Variants in GAS7 observed in about 807,000 individuals in gnomAD.
GAS7 encodes the protein growth arrest specific 7, also known as growth arrest-specific protein 7.
In GAS7, 28 loss-of-function variants were observed where a neutral mutation model predicts 71.1. That is an observed-to-expected ratio of 0.39 (90% CI 0.29 to 0.54). GAS7 has a LOEUF of 0.54. GAS7 is among the 20% of genes least tolerant of loss of function. The pLI, the probability that GAS7 is intolerant of heterozygous loss-of-function variation, is 0.62. For synonymous variants in GAS7, 258 were observed against 245.8 expected, an observed-to-expected ratio of 1.05 and a Z score of -0.46; for missense variants, 436 against 627.8, an observed-to-expected ratio of 0.69 and a Z score of 3.27.
intron 1 of GAS7, among the ~76,000 whole-genome samples, chr17:10,118,420 G>A (rs2073878965): frequency 6.6e-6 from 1 of 152,102 alleles, no homozygotes; most frequent in Non-Finnish European, 1.5e-5. Flanking sequence ...ATTCCAAAAA[G>A]CCCTCGTGGG....
intron 1 of GAS7, among the ~76,000 whole-genome samples, chr17:10,047,287 T>C (rs769828401): frequency 6.6e-6 from 1 of 152,156 alleles, no homozygotes; most frequent in Non-Finnish European, 1.5e-5. Context: ...TCTCCATCAA[T>C]TCGGAGTATC....
chr17:10,144,681 C>A (rs1262562523), intron 1 of GAS7, among the ~76,000 whole-genome samples: 1 of 151,916 alleles, frequency 6.6e-6, no homozygotes, highest in Non-Finnish European at 1.5e-5. Context: ...GTAGTTGGGA[C>A]CACAGGCATG....
chr17:10,020,023 A>C, intron 1 of GAS7, 126 bp from the exon 2 acceptor site: 1 of 886,252 alleles, frequency 1.1e-6, no homozygotes, highest in Non-Finnish European at 1.8e-6. Flanking sequence ...CGGCCCATAA[A>C]CCCCTGAGGT....
intron 1 of GAS7, among the ~76,000 whole-genome samples, chr17:10,132,468 T>C (rs1170354292): frequency 6.6e-6 from 1 of 152,138 alleles, no homozygotes; most frequent in Admixed American, 6.6e-5. Context: ...TCAAGCATCA[T>C]TCAAAAATTA....
At chr17:10,197,735 C>T (rs993894354) in intron 1 of GAS7, among the ~76,000 whole-genome samples, 3 of 152,194 alleles carry the variant, frequency 2.0e-5, no homozygotes, top group African/African-American at 7.2e-5. Flanking sequence ...GCCAGGCAGC[C>T]TGACCCAAGG....
rs1364090142 is a variant in GAS7, at chr17:10,085,409, C to T, written c.184-65512G>A. On this transcript the variant is annotated intron_variant, in intron 1 of 13. Transcript: ENST00000432992. ...TGAAAGAGGAACCATACCAGCCGGG[C>T]GCAGTGGCTCACGCCTGTAATCCCA... 2.6e-5 allele frequency among the ~76,000 whole-genome samples: 4 copies of T among 152,226 alleles called. No individual in the cohort carries two copies. The East Asian group carries it at 7.7e-4, about 29-fold the overall frequency.
At chr17:9,935,891 G>A (rs2068382963) in intron 8 of GAS7, among the ~76,000 whole-genome samples, 1 of 152,210 alleles carries the variant, frequency 6.6e-6, no homozygotes, top group South Asian at 2.1e-4. Context: ...CCTCTGGGTG[G>A]CTTGGGTGCC....
At position 9,940,120 on chromosome 17, in the gene GAS7, A is replaced by G. The variant is rs770404366; in HGVS notation, c.806+6T>C. On this transcript the variant is annotated splice_donor_region_variant and intron_variant, in intron 8 of 13. Transcript: ENST00000432992. ...CCCCACTCCCACCTCTCTCCTACCC[A>G]CTCACCCTTCCTCCTGTGAAGCCAA... The G allele has an allele frequency of 2.0e-5, 31 of 1,534,370 alleles. No homozygotes were observed. Among genetic ancestry groups the G allele is most frequent in the Non-Finnish European group, 2.7e-5 (30 of 1,107,906 alleles).
At chr17:10,067,713 T>C (rs1326203543) in intron 1 of GAS7, among the ~76,000 whole-genome samples, 1 of 152,194 alleles carries the variant, frequency 6.6e-6, no homozygotes, top group Non-Finnish European at 1.5e-5. Context: ...CTAGTCCCCC[T>C]ACACCATGAC....
chr17:9,945,062 C>T (rs977342849), intron 6 of GAS7, among the ~76,000 whole-genome samples: 1 of 152,064 alleles, frequency 6.6e-6, no homozygotes, highest in Non-Finnish European at 1.5e-5. Flanking sequence ...TGGATGCAGG[C>T]GGCATCAGAC....
In GAS7 at chr17:9,914,144, T is replaced by C. The variant is rs2067517020; in HGVS notation, c.*3084A>G. 4.4e-6 allele frequency: 1 copy of C among 225,804 alleles called. No individual in the cohort carries two copies. Among genetic ancestry groups the C allele is most frequent in the Non-Finnish European group, 8.8e-6 (1 of 113,312 alleles). The allele number at this position is 225,804 out of a possible 1,614,324, so 14.0% of individuals were successfully genotyped here. A position where few individuals can be genotyped will look rare whatever the true frequency, so the allele number is the denominator to read the frequency against. ...CATACGGATAGGGGTTCTGGACTGT[T>C]GACTCTAGCCCTGGTCTTAATTCAC... On this transcript the variant is annotated 3_prime_UTR_variant, in exon 14 of 14. Transcript: ENST00000432992.
At chr17:9,950,583 T>C (rs2068964697) in intron 5 of GAS7, among the ~76,000 whole-genome samples, 1 of 152,096 alleles carries the variant, frequency 6.6e-6, no homozygotes, top group Non-Finnish European at 1.5e-5. Flanking sequence ...TGTGGCAGCG[T>C]GTGGTGGCTC....
intron 8 of GAS7, among the ~76,000 whole-genome samples, chr17:9,938,777 TC>T (rs1311540414): frequency 6.6e-6 from 1 of 152,044 alleles, no homozygotes; most frequent in Non-Finnish European, 1.5e-5. Context: ...CACAACCCAT[TC>T]CCCTCCTCCC....
chr17:10,028,884 T>C (rs907714124), intron 1 of GAS7, among the ~76,000 whole-genome samples: 1 of 151,886 alleles, frequency 6.6e-6, no homozygotes, highest in Non-Finnish European at 1.5e-5. Flanking sequence ...ATGGGAAAAA[T>C]GCAAACGTGA....
At position 9,974,771 on chromosome 17, in the gene GAS7, G is replaced by C. The variant is rs2070117730; in HGVS notation, c.386-5009C>G. Among the ~76,000 whole-genome samples, 1 of 152,108 alleles carries C rather than the reference G, an allele frequency of 6.6e-6. No individual in the cohort carries two copies. On this transcript the variant is annotated intron_variant, in intron 3 of 13. Coordinates refer to ENST00000432992, the MANE Select transcript of GAS7 (RefSeq NM_201433.2). The surrounding 1 kb of genome is among the most constrained non-coding windows in gnomAD (Gnocchi z 4.0). ...GGGAGAAGTCAACAGAAACAGAAAA[G>C]AAAGGCGAATATGAAAAGTTATCGA...
intron 2 of GAS7, among the ~76,000 whole-genome samples, chr17:10,013,744 A>G (rs17810527): frequency 0.14 from 21,131 of 152,162 alleles, 1,515 homozygotes; most frequent in Non-Finnish European, 0.15. Context: ...AACCTGATCT[A>G]TATTTCAGTC....
At chr17:9,921,465 C>T (rs1233206478) in intron 11 of GAS7, among the ~76,000 whole-genome samples, 2 of 152,090 alleles carry the variant, frequency 1.3e-5, no homozygotes, top group East Asian at 1.9e-4. Context: ...AGGAGGAGGG[C>T]GGCGTGCTGC....
At chr17:10,029,168 G>T (rs1164457437) in intron 1 of GAS7, among the ~76,000 whole-genome samples, 3 of 152,174 alleles carry the variant, frequency 2.0e-5, no homozygotes, top group Non-Finnish European at 4.4e-5. Context: ...TAAAAAGAAG[G>T]CTGGTCTCAA....
chr17:9,973,997 C>T (rs2070079924), intron 3 of GAS7, among the ~76,000 whole-genome samples: 1 of 152,146 alleles, frequency 6.6e-6, no homozygotes, highest in African/African-American at 2.4e-5. Flanking sequence ...CCCAGACCCT[C>T]CAAATGCATG....
Sources: allele counts gnomAD v4.1 joint callset (sites outside exome capture counted in the v4.1 genomes callset), GRCh38; gene constraint gnomAD v4.1.1; non-coding constraint Gnocchi (gnomAD v3.1); transcripts MANE v1.5; gene names NCBI Gene and HGNC (gene_info 2026-07-23, HGNC 2026-07-21).